The following ABLIM2 variants were observed in gnomAD, a reference collection of about 807,000 sequenced individuals.
ABLIM2 encodes the protein actin binding LIM protein family member 2.
In ABLIM2, 53 loss-of-function variants were observed where a neutral mutation model predicts 97.7. The observed-to-expected ratio is 0.54, with a 90% confidence interval of 0.44 to 0.68. The LOEUF is 0.68. ABLIM2 is among the 30% of genes least tolerant of loss of function. The pLI is 0.00. For synonymous variants in ABLIM2, 361 were observed against 345.8 expected, an observed-to-expected ratio of 1.04 and a Z score of -0.49; for missense variants, 835 against 867.2, an observed-to-expected ratio of 0.96 and a Z score of 0.47.
In ABLIM2 at chr4:8,032,405, C is replaced by G. The variant is rs1472063980; in HGVS notation, c.1048-2629G>C. On this transcript the variant is annotated intron_variant, in intron 10 of 20. Coordinates refer to ENST00000447017, the MANE Select transcript of ABLIM2 (RefSeq NM_001130083.2). The surrounding 1 kb of genome is among the most constrained non-coding windows in gnomAD (Gnocchi z 4.3). ...GACCACGATCTGCTCAGGGTAGACC[C>G]GCGTCCCAGGCGGCCACATCCGCAG... 6.6e-6 allele frequency among the ~76,000 whole-genome samples: 1 copy of G among 152,114 alleles called. No homozygotes were observed. The highest frequency in any genetic ancestry group is 6.5e-5 in the Admixed American group (1 of 15,284).
At chr4:7,979,737 A>C (rs1195782764) in intron 20 of ABLIM2, among the ~76,000 whole-genome samples, 1 of 152,154 alleles carries the variant, frequency 6.6e-6, no homozygotes, top group Non-Finnish European at 1.5e-5. Flanking sequence ...TAAATACGCC[A>C]CCCAGCTCAG....
chr4:8,027,120 G>T (rs1777915229), intron 12 of ABLIM2, among the ~76,000 whole-genome samples: 1 of 152,164 alleles, frequency 6.6e-6, no homozygotes, highest in Admixed American at 6.5e-5. Flanking sequence ...CCTCTTTAAA[G>T]GCCCCCTCTA....
intron 20 of ABLIM2, among the ~76,000 whole-genome samples, chr4:7,974,008 T>G (rs955906645): frequency 2.0e-5 from 3 of 152,236 alleles, no homozygotes; most frequent in Admixed American, 6.5e-5. Context: ...GAGTAAATAC[T>G]GAGGTTTCCC....
intron 2 of ABLIM2, among the ~76,000 whole-genome samples, chr4:8,102,350 C>A (rs565797752): frequency 2.6e-5 from 4 of 152,328 alleles, no homozygotes; most frequent in African/African-American, 9.6e-5. Context: ...ACCCAGTTTG[C>A]ATCTTTCCTT....
In ABLIM2 at chr4:8,056,401, A is replaced by T. The variant is rs894699709; in HGVS notation, c.764-2155T>A. Reference sequence around the variant, plus strand: ...CTGCAGCCCCCACCTCTTGGTCTCAAGCAATCCTCCTGCCTCAGCCTCCCA... The same window carrying T: ...CTGCAGCCCCCACCTCTTGGTCTCATGCAATCCTCCTGCCTCAGCCTCCCA... On this transcript the variant is annotated intron_variant, in intron 7 of 20. Coordinates refer to ENST00000447017, the MANE Select transcript of ABLIM2 (RefSeq NM_001130083.2). 2.6e-5 allele frequency among the ~76,000 whole-genome samples: 4 copies of T among 150,972 alleles called. No individual in the cohort carries two copies. In the South Asian group the frequency reaches 8.4e-4, roughly 32 times the overall value.
rs1412064165 is a variant in ABLIM2 at position 8,085,737 on chromosome 4, A to C, written c.454+2432T>G. The stretch of plus-strand genomic sequence containing the variant: ...CCACTCACGCGGGTCTGGGGGGTGC[A>C]CCCAGCACATTTCACAGGTGTTTAG... On this transcript the variant is annotated intron_variant, in intron 4 of 20. Coordinates refer to ENST00000447017, the MANE Select transcript of ABLIM2 (RefSeq NM_001130083.2). This position sits in a 1 kb window ranked among gnomAD's most constrained non-coding sequence, Gnocchi z 6.1. Among the ~76,000 whole-genome samples the C allele has an allele frequency of 1.3e-5, 2 of 151,954 alleles. No individual in the cohort carries two copies. Among genetic ancestry groups the C allele is most frequent in the African/African-American group, 4.8e-5 (2 of 41,350 alleles).
chr4:8,021,383 G>T lies in ABLIM2; in HGVS notation c.1268-1080C>A, dbSNP rs111927648. Among the ~76,000 whole-genome samples, 2,665 of 152,256 alleles carry T rather than the reference G, an allele frequency of 0.018. 74 individuals are homozygous for T. The highest frequency in any genetic ancestry group is 0.059 in the African/African-American group (2,470 of 41,526). ...GCAGGGTATTGAATGCTTGTGATGA[G>T]AGAAGGTGTACGCTCCCTGCAGAAG... On this transcript the variant is annotated intron_variant, in intron 12 of 20. Coordinates refer to ENST00000447017, the MANE Select transcript of ABLIM2 (RefSeq NM_001130083.2). This position sits in a 1 kb window ranked among gnomAD's most constrained non-coding sequence, Gnocchi z 5.5.
At chr4:7,995,644 A>T (rs926929749) in intron 16 of ABLIM2, among the ~76,000 whole-genome samples, 2 of 152,156 alleles carry the variant, frequency 1.3e-5, no homozygotes, top group African/African-American at 4.8e-5. Flanking sequence ...TAGCCAGTGG[A>T]AAGGTTCCAC....
intron 9 of ABLIM2, among the ~76,000 whole-genome samples, chr4:8,041,911 G>GAA (rs58412726): frequency 1.6e-4 from 23 of 147,920 alleles, no homozygotes; most frequent in African/African-American, 4.5e-4. Context: ...TTCAAAAAAA[G>GAA]AAAAAAAAAA....
At chr4:7,985,188 A>G (rs1742762604) in intron 17 of ABLIM2, among the ~76,000 whole-genome samples, 1 of 152,200 alleles carries the variant, frequency 6.6e-6, no homozygotes, top group Non-Finnish European at 1.5e-5. Context: ...CCCCATTTGA[A>G]AGCTGCTCCC....
At chr4:8,064,166 T>G (rs1056107976) in intron 6 of ABLIM2, among the ~76,000 whole-genome samples, 3 of 152,260 alleles carry the variant, frequency 2.0e-5, no homozygotes, top group African/African-American at 7.2e-5. Context: ...CATGCTCTTC[T>G]GCAGAAATAA....
intron 9 of ABLIM2, among the ~76,000 whole-genome samples, chr4:8,038,589 C>T (rs1381070399): frequency 6.6e-6 from 1 of 152,210 alleles, no homozygotes; most frequent in Non-Finnish European, 1.5e-5. Context: ...AGCCCACCTC[C>T]TCCACGAAGT....
At chr4:8,070,902 G>C (rs543408507) in intron 6 of ABLIM2, among the ~76,000 whole-genome samples, 1 of 152,134 alleles carries the variant, frequency 6.6e-6, no homozygotes, top group Admixed American at 6.5e-5. Context: ...CAGACTGCAC[G>C]AGGCACACCG....
At chr4:7,968,172 G>A (rs1383372883) in intron 20 of ABLIM2, among the ~76,000 whole-genome samples, 1 of 152,252 alleles carries the variant, frequency 6.6e-6, no homozygotes, top group Non-Finnish European at 1.5e-5. Context: ...GAAAGAGGCT[G>A]GAGAAGGCCA....
chr4:8,027,830 C>T lies in ABLIM2; in HGVS notation c.1196G>A (p.Ser399Asn). 1 of 1,599,672 alleles carries T rather than the reference C, an allele frequency of 6.3e-7. No homozygotes were observed. The highest frequency in any genetic ancestry group is 1.3e-5 in the African/African-American group (1 of 74,280). The change falls in exon 12 of 21, where the codon AGC (serine) becomes AAC (asparagine). Residue 399 changes from serine (S) to asparagine (N), a missense_variant. Ser to Asn is a conservative substitution (Grantham distance 46). Coordinates refer to ENST00000447017, the MANE Select transcript of ABLIM2 (RefSeq NM_001130083.2). ...PAGTVSVGTS[S>N]CLSLSQHPSP... ...TGGGTGTTGGGACAGGGAGAGGCAGCTACTGGTACCCACACTCACAGTACC... is the reference window on the plus strand; with the variant it reads ...TGGGTGTTGGGACAGGGAGAGGCAGTTACTGGTACCCACACTCACAGTACC...
In ABLIM2 at chr4:8,077,980, G is replaced by C. The variant is rs73796843; in HGVS notation, c.582-259C>G. 8.9e-3 allele frequency among the ~76,000 whole-genome samples: 1,363 copies of C among 152,356 alleles called. 20 individuals are homozygous for C. The highest frequency in any genetic ancestry group is 0.031 in the African/African-American group (1,287 of 41,582). ...GCCAGACCACCTGCCCAGTGGGTGG[G>C]AGGGGCTGACAGCAGCAGCTTCTGG... On this transcript the variant is annotated intron_variant, in intron 5 of 20. Transcript: ENST00000447017.
Position 8,154,391 on chromosome 4 carries a change from C to T in ABLIM2, c.10+4289G>A, listed in dbSNP as rs1269896185. 1.7e-4 allele frequency among the ~76,000 whole-genome samples: 26 copies of T among 150,554 alleles called. 1 individual carries two copies. Among genetic ancestry groups the T allele is most frequent in the African/African-American group, 6.2e-4 (25 of 40,440 alleles). On this transcript the variant is annotated intron_variant, in intron 1 of 20. Coordinates refer to ENST00000447017, the MANE Select transcript of ABLIM2 (RefSeq NM_001130083.2). ...CTGACTCCCTGGTTCAAGCGATTCT[C>T]CTGCCTCAGCCTCCTGAGTAGTGGG... is the stretch of plus-strand genomic sequence containing the variant.
At chr4:8,081,145 C>T (rs1203988254) in intron 4 of ABLIM2, among the ~76,000 whole-genome samples, 3 of 151,992 alleles carry the variant, frequency 2.0e-5, no homozygotes, top group Non-Finnish European at 2.9e-5. Flanking sequence ...AACTGTGACT[C>T]GATGTGCCCC....
intron 1 of ABLIM2, among the ~76,000 whole-genome samples, chr4:8,108,691 C>T (rs1838728109): frequency 6.6e-6 from 1 of 152,218 alleles, no homozygotes. Context: ...CGCCTCCAGT[C>T]CCCCGAGGCC....
Sources: allele counts gnomAD v4.1 joint callset (sites outside exome capture counted in the v4.1 genomes callset), GRCh38; gene constraint gnomAD v4.1.1; non-coding constraint Gnocchi (gnomAD v3.1); transcripts MANE v1.5; gene names NCBI Gene and HGNC (gene_info 2026-07-23, HGNC 2026-07-21).